Variants in PRKD3 observed in about 807,000 individuals in gnomAD.
The protein encoded by PRKD3 is serine/threonine-protein kinase D3.
In PRKD3, 47 loss-of-function variants were observed where a neutral mutation model predicts 99.2. The ratio of observed to expected loss-of-function variants is 0.47; its 90% CI spans 0.38 to 0.60. The LOEUF (loss-of-function observed/expected upper bound fraction) is 0.60. Among genes scored for constraint, PRKD3 ranks in the 20% least tolerant of loss-of-function variants. PRKD3 has a pLI of 0.00. For missense variants in PRKD3, 1,019 were observed against 1,088.4 expected, an observed-to-expected ratio of 0.94 and a Z score of 0.90; for synonymous variants, 392 against 355.4, an observed-to-expected ratio of 1.10 and a Z score of -1.16.
rs1558517663 is a variant in PRKD3, at chr2:37,253,417, TTG to T, written c.2500-69_2500-68del. On this transcript the variant is annotated intron_variant, in intron 18 of 18. Coordinates refer to ENST00000234179, the MANE Select transcript of PRKD3 (RefSeq NM_005813.6). The stretch of plus-strand genomic sequence containing the variant: ...AAATACTGTCAACCTGGTTTTTGTT[TTG>T]TGTTTTTTTTTGTTGTTGTTTAGTG... The T allele has an allele frequency of 5.6e-6, 8 of 1,422,568 alleles. No homozygotes were observed. In the Admixed American group the frequency reaches 1.3e-4, roughly 24 times the overall value. The allele number at this position is 1,422,568 out of a possible 1,614,324, so 88.1% of individuals were successfully genotyped here. A position where few individuals can be genotyped will look rare whatever the true frequency, so the allele number is the denominator to read the frequency against.
At chr2:37,307,764 C>T (rs1481121301) in intron 2 of PRKD3, among the ~76,000 whole-genome samples, 1 of 152,166 alleles carries the variant, frequency 6.6e-6, no homozygotes, top group African/African-American at 2.4e-5. Flanking sequence ...CCTACTCCAC[C>T]CTTGGGGTGT....
chr2:37,302,590 T>C (rs3821143), intron 2 of PRKD3, among the ~76,000 whole-genome samples: 2,527 of 152,354 alleles, frequency 0.017, 45 homozygotes, highest in East Asian at 0.067. Flanking sequence ...GTCGTTAAAA[T>C]GCTGTCAGTA....
chr2:37,301,718 G>GTA (rs1161203636), intron 2 of PRKD3, among the ~76,000 whole-genome samples: 57 of 152,310 alleles, frequency 3.7e-4, no homozygotes, highest in African/African-American at 1.2e-3. Flanking sequence ...GTAAAATGGT[G>GTA]TATATATATC....
intron 2 of PRKD3, among the ~76,000 whole-genome samples, chr2:37,305,511 T>G (rs1427199510): frequency 6.6e-6 from 1 of 152,194 alleles, no homozygotes; most frequent in Admixed American, 6.5e-5. Flanking sequence ...CTAAGCCTCT[T>G]AGCAATATGA....
At chr2:37,295,337 T>C (rs1572680893) in intron 2 of PRKD3, among the ~76,000 whole-genome samples, 1 of 151,712 alleles carries the variant, frequency 6.6e-6, no homozygotes, top group East Asian at 1.9e-4. Context: ...ACTGGGACAG[T>C]GGAGTAGAGG....
rs7561336 is a variant in PRKD3, at chr2:37,256,948, T to C, written c.2146-19A>G. 4.5e-3 allele frequency: 7,319 copies of C among 1,613,308 alleles called. 266 individuals are homozygous for C. In the African/African-American group the frequency reaches 0.082, roughly 18 times the overall value. ...GCTTCACCTGGAAATTGAAGGATGA[T>C]GTTAATTTTGTATTATAGTGTTATA... On this transcript the variant is annotated intron_variant, in intron 16 of 18. Transcript: ENST00000234179.
chr2:37,288,421 C>A (rs1008329010), intron 5 of PRKD3, among the ~76,000 whole-genome samples: 6 of 152,164 alleles, frequency 3.9e-5, no homozygotes, highest in African/African-American at 1.4e-4. Context: ...AAAGCTTTTA[C>A]TCTGGTGTCT....
Position 37,260,234 on chromosome 2 carries a change from T to C in PRKD3, c.2035A>G (p.Met679Val). Residue 679 changes from methionine to valine, a missense_variant, in exon 15 of 19, where the codon ATG becomes GTG. By Grantham distance (21) the Met-to-Val change is conservative. Coordinates refer to ENST00000234179, the MANE Select transcript of PRKD3 (RefSeq NM_005813.6). ...SRLPERITKFMVTQILVALRN... is the reference protein window; with the variant it reads ...SRLPERITKFVVTQILVALRN... Reference sequence around the variant, plus strand: ...AGGAGTTAAAATACCTGTGTGACCATGAATTTAGTAATTCGTTCTGGAAGC... The same window carrying C: ...AGGAGTTAAAATACCTGTGTGACCACGAATTTAGTAATTCGTTCTGGAAGC... 6.2e-7 allele frequency: 1 copy of C among 1,609,194 alleles called. No homozygotes were observed. The highest frequency in any genetic ancestry group is 8.5e-7 in the Non-Finnish European group (1 of 1,176,898).
chr2:37,308,800 G>A (rs1344253803), intron 2 of PRKD3, among the ~76,000 whole-genome samples: 1 of 151,322 alleles, frequency 6.6e-6, no homozygotes, highest in East Asian at 2.0e-4. Context: ...TCCTTCAACT[G>A]CTTAAAACTA....
chr2:37,255,315 C>G (rs3216662), intron 17 of PRKD3, among the ~76,000 whole-genome samples: 2 of 28,092 alleles, frequency 7.1e-5, no homozygotes, highest in African/African-American at 4.1e-4. Flanking sequence ...TTTGGAAAAA[C>G]AAAAAAGATC....
chr2:37,290,655 G>A (rs1377154575), intron 4 of PRKD3, among the ~76,000 whole-genome samples: 1 of 152,206 alleles, frequency 6.6e-6, no homozygotes, highest in Non-Finnish European at 1.5e-5. Flanking sequence ...GGGGCAGAAT[G>A]TATTTTACGA....
chr2:37,310,045 G>A (rs1387693221), intron 2 of PRKD3, among the ~76,000 whole-genome samples: 3 of 152,138 alleles, frequency 2.0e-5, no homozygotes, highest in Non-Finnish European at 2.9e-5. Context: ...AGAAAACTGT[G>A]AGTACCTATT....
chr2:37,278,069 T>A, intron 8 of PRKD3, 80 bp from the exon 9 acceptor site: 2 of 1,246,580 alleles, frequency 1.6e-6, no homozygotes, highest in South Asian at 1.9e-5. Flanking sequence ...GAAGCCTTTT[T>A]AAAGACAACT....
At chr2:37,314,673 A>C (rs911678042) in intron 2 of PRKD3, among the ~76,000 whole-genome samples, 1 of 148,820 alleles carries the variant, frequency 6.7e-6, no homozygotes, top group African/African-American at 2.4e-5. Flanking sequence ...AAAGATTGAA[A>C]ACTAAATCAT....
At chr2:37,286,390 A>C (rs777609851) in intron 5 of PRKD3, 21 bp from the exon 6 acceptor site, 2 of 1,600,596 alleles carry the variant, frequency 1.2e-6, no homozygotes, top group Non-Finnish European at 1.7e-6. Context: ...AGTAATTTTC[A>C]TAAGTGTAAG....
intron 14 of PRKD3, among the ~76,000 whole-genome samples, chr2:37,261,507 G>A (rs750858155): frequency 6.6e-6 from 1 of 151,858 alleles, no homozygotes; most frequent in Non-Finnish European, 1.5e-5. Context: ...AAGGCCGGGC[G>A]CGGTGGCTCA....
At chr2:37,264,983 A>G (rs767991940) in intron 14 of PRKD3, among the ~76,000 whole-genome samples, 1 of 151,968 alleles carries the variant, frequency 6.6e-6, no homozygotes, top group Non-Finnish European at 1.5e-5. Context: ...GCCACCGGAA[A>G]GGCCAAAGCT....
intron 2 of PRKD3, among the ~76,000 whole-genome samples, chr2:37,305,673 T>A (rs984247941): frequency 6.6e-6 from 1 of 152,220 alleles, no homozygotes; most frequent in African/African-American, 2.4e-5. Flanking sequence ...CTGTTTTTTA[T>A]AGTTTTTTTA....
At chr2:37,313,251 T>G (rs1671517099) in intron 2 of PRKD3, among the ~76,000 whole-genome samples, 1 of 151,838 alleles carries the variant, frequency 6.6e-6, no homozygotes, top group Non-Finnish European at 1.5e-5. Flanking sequence ...CACCCTGTGT[T>G]CCAATAAAAC....
Sources: gnomAD v4.1 joint callset for allele counts (sites outside exome capture counted in the v4.1 genomes callset) on GRCh38, gnomAD v4.1.1 for gene constraint, MANE v1.5 for transcripts, NCBI Gene and HGNC (gene_info 2026-07-23, HGNC 2026-07-21) for gene names.